The following CDKAL1 variants were observed in gnomAD, a reference collection of about 807,000 sequenced individuals.
CDKAL1 encodes the protein CDKAL1 threonylcarbamoyladenosine tRNA methylthiotransferase, also known as threonylcarbamoyladenosine tRNA methylthiotransferase.
A neutral mutation model predicts 68.2 loss-of-function variants in CDKAL1; 32 were observed. That is an observed-to-expected ratio of 0.47 (90% confidence interval 0.35 to 0.63). The LOEUF (loss-of-function observed/expected upper bound fraction) is 0.63. Ranked by LOEUF, CDKAL1 falls within the 30% of genes least tolerant of loss-of-function variation. The probability of loss-of-function intolerance (pLI) is 0.00; values close to 1 mark genes in which losing one functional copy is unlikely to be tolerated. For missense variants in CDKAL1, 606 were observed against 696.7 expected, an observed-to-expected ratio of 0.87 and a Z score of 1.47; for synonymous variants, 234 against 244.3, an observed-to-expected ratio of 0.96 and a Z score of 0.39.
intron 13 of CDKAL1, among the ~76,000 whole-genome samples, chr6:21,113,080 TAA>T (rs929063053): frequency 2.0e-5 from 3 of 152,252 alleles, no homozygotes; most frequent in South Asian, 2.1e-4. Context: ...ATAAAAACTA[TAA>T]GTCATTAACA....
At chr6:21,115,113 T>C (rs1358599679) in intron 13 of CDKAL1, among the ~76,000 whole-genome samples, 1 of 152,216 alleles carries the variant, frequency 6.6e-6, no homozygotes, top group Non-Finnish European at 1.5e-5. Context: ...TTCTTAAATA[T>C]GGAAAAGGGA....
chr6:20,774,284 AG>A (rs1403342663), intron 7 of CDKAL1, among the ~76,000 whole-genome samples: 1 of 152,240 alleles, frequency 6.6e-6, no homozygotes, highest in Non-Finnish European at 1.5e-5. Context: ...GATACTCTAA[AG>A]CTCGTATGTG....
intron 6 of CDKAL1, chr6:20,756,839 T>TTTCTTCCTTC (rs1774198628): frequency 5.8e-5 from 4 of 68,798 alleles, no homozygotes; most frequent in Non-Finnish European, 1.2e-4. Context: ...TTCCTTCCTT[T>TTTCTTCCTTC]CTTCCTTCCT....
intron 13 of CDKAL1, among the ~76,000 whole-genome samples, chr6:21,176,852 G>A (rs962346864): frequency 8.0e-6 from 1 of 125,746 alleles, no homozygotes; most frequent in South Asian, 2.3e-4. Context: ...CTGCCACAGT[G>A]CCCAGCTAAT....
At chr6:21,037,109 T>C (rs1317181536) in intron 11 of CDKAL1, among the ~76,000 whole-genome samples, 1 of 152,066 alleles carries the variant, frequency 6.6e-6, no homozygotes, top group East Asian at 1.9e-4. Context: ...GGGGGAAAAA[T>C]CTAAAACGGA....
chr6:20,628,158 C>A (rs1163403203), intron 4 of CDKAL1, among the ~76,000 whole-genome samples: 1 of 152,026 alleles, frequency 6.6e-6, no homozygotes, highest in African/African-American at 2.4e-5. Context: ...GGGTGGTCAT[C>A]CCTACCTTGT....
chr6:21,136,506 C>T (rs1035594322), intron 13 of CDKAL1, among the ~76,000 whole-genome samples: 2 of 152,102 alleles, frequency 1.3e-5, no homozygotes, highest in African/African-American at 2.4e-5. Flanking sequence ...TTTAAAGGAA[C>T]CTTGTTATAA....
chr6:20,606,190 G>A lies in CDKAL1; in HGVS notation c.287-43103G>A, dbSNP rs116235949. 5.8e-3 allele frequency among the ~76,000 whole-genome samples: 889 copies of A among 152,194 alleles called. 11 individuals carry two copies. The highest frequency in any genetic ancestry group is 0.021 in the African/African-American group (857 of 41,506). On this transcript the variant is annotated intron_variant, in intron 4 of 15. Coordinates refer to ENST00000274695, the MANE Select transcript of CDKAL1 (RefSeq NM_017774.3). ...GTCGTTTCATGTGGAAGCTTTTAAT[G>A]TTAATGTTATTTCTGAGACCATATA...
chr6:20,994,431 A>G (rs964021486), intron 10 of CDKAL1, among the ~76,000 whole-genome samples: 2 of 152,192 alleles, frequency 1.3e-5, no homozygotes, highest in African/African-American at 4.8e-5. Context: ...GTGAGCCCAG[A>G]TTGTGCCTCT....
intron 8 of CDKAL1, among the ~76,000 whole-genome samples, chr6:20,790,079 A>G (rs968388866): frequency 6.6e-6 from 1 of 152,176 alleles, no homozygotes; most frequent in African/African-American, 2.4e-5. Context: ...TACAGGTGTG[A>G]GCCACCACAC....
intron 10 of CDKAL1, among the ~76,000 whole-genome samples, chr6:20,994,666 C>A (rs140828087): frequency 6.6e-6 from 1 of 152,108 alleles, no homozygotes; most frequent in South Asian, 2.1e-4. Context: ...AAGCAAGTTA[C>A]GTGAATTTTT....
chr6:21,050,596 C>T (rs1489531097), intron 11 of CDKAL1, among the ~76,000 whole-genome samples: 1 of 152,220 alleles, frequency 6.6e-6, no homozygotes, highest in East Asian at 1.9e-4. Context: ...GGAGTGCTTG[C>T]TGATTGGTTT....
chr6:20,830,153 G>A (rs528509494), intron 8 of CDKAL1, among the ~76,000 whole-genome samples: 1 of 152,224 alleles, frequency 6.6e-6, no homozygotes, highest in South Asian at 2.1e-4. Context: ...ACCATGCCTG[G>A]CCTGTTATTT....
intron 13 of CDKAL1, among the ~76,000 whole-genome samples, chr6:21,180,001 A>G (rs962512527): frequency 7.9e-5 from 12 of 152,202 alleles, no homozygotes; most frequent in African/African-American, 2.9e-4. Context: ...AGCCTGGGTT[A>G]CAAAGCGAGA....
At chr6:21,054,085 T>G (rs548103373) in intron 11 of CDKAL1, among the ~76,000 whole-genome samples, 1 of 152,320 alleles carries the variant, frequency 6.6e-6, no homozygotes, top group African/African-American at 2.4e-5. Context: ...AATAATTCTG[T>G]ATCTGACATT....
chr6:21,140,521 A>T (rs890628580), intron 13 of CDKAL1, among the ~76,000 whole-genome samples: 7 of 152,092 alleles, frequency 4.6e-5, no homozygotes, highest in African/African-American at 1.7e-4. Flanking sequence ...CCACTTTCTG[A>T]CCAAATTATC....
intron 12 of CDKAL1, among the ~76,000 whole-genome samples, chr6:21,107,424 CTTTT>C (rs777167546): frequency 1.3e-5 from 2 of 151,708 alleles, no homozygotes; most frequent in African/African-American, 2.4e-5. Context: ...TTCTTTCTTT[CTTTT>C]GTTTTGTTTT....
rs959712 is a variant in CDKAL1 at position 21,138,237 on chromosome 6, C to A, written c.1299+29774C>A. ...CATTTGTGTGTGTGTATGTGTGTGT[C>A]TGTGTGTGTGTGTGTGTGTATGCTG... On this transcript the variant is annotated intron_variant, in intron 13 of 15. Coordinates refer to ENST00000274695, the MANE Select transcript of CDKAL1 (RefSeq NM_017774.3). 5.6e-3 allele frequency among the ~76,000 whole-genome samples: 843 copies of A among 151,058 alleles called. 8 individuals are homozygous for A. The highest frequency in any genetic ancestry group is 0.018 in the African/African-American group (725 of 41,288).
intron 13 of CDKAL1, among the ~76,000 whole-genome samples, chr6:21,108,801 A>C (rs1243686873): frequency 6.6e-6 from 1 of 152,152 alleles, no homozygotes; most frequent in Non-Finnish European, 1.5e-5. Flanking sequence ...GGATTGGTAA[A>C]GATAATTGAA....
Sources: allele counts gnomAD v4.1 joint callset (sites outside exome capture counted in the v4.1 genomes callset), GRCh38; gene constraint gnomAD v4.1.1; transcripts MANE v1.5; gene names NCBI Gene and HGNC (gene_info 2026-07-23, HGNC 2026-07-21).